Variants in HDAC9 observed in about 807,000 individuals in gnomAD.
The protein encoded by HDAC9 is MEF-2 interacting transcription repressor (MITR) protein.
In HDAC9, 41 loss-of-function variants were observed where a neutral mutation model predicts 139.4. That is an observed-to-expected ratio of 0.29 (90% confidence interval 0.23 to 0.38). The LOEUF (loss-of-function observed/expected upper bound fraction) is 0.38, where lower values mean the gene tolerates loss of function less well. Among genes scored for constraint, HDAC9 ranks in the 10% least tolerant of loss-of-function variants. The pLI, the probability that HDAC9 is intolerant of heterozygous loss-of-function variation, is 1.00. For missense variants in HDAC9, 1,147 were observed against 1,297.0 expected (o/e 0.88, Z 1.78); for synonymous variants, 517 against 476.2 (o/e 1.09, Z -1.12).
chr7:18,100,494 A>T (rs1445061723), intron 1 of HDAC9, among the ~76,000 whole-genome samples: 2 of 151,818 alleles, frequency 1.3e-5, no homozygotes, highest in Non-Finnish European at 2.9e-5. Flanking sequence ...TCTTCTCCAT[A>T]TGTTACATTT....
At chr7:18,438,040 A>G (rs1263898758) in intron 1 of HDAC9, among the ~76,000 whole-genome samples, 1 of 151,034 alleles carries the variant, frequency 6.6e-6, no homozygotes, top group Non-Finnish European at 1.5e-5. Context: ...TAACATGTAT[A>G]TACACTTTAT....
intron 25 of HDAC9, among the ~76,000 whole-genome samples, chr7:18,985,521 A>C (rs1364079506): frequency 6.6e-6 from 1 of 152,070 alleles, no homozygotes; most frequent in East Asian, 1.9e-4. Flanking sequence ...ATAGTGCCGC[A>C]ATAAACGTAC....
At position 18,929,832 on chromosome 7, in the gene HDAC9, G is replaced by A. The variant is rs149553413; in HGVS notation, c.2804-5977G>A. ...GTGCACGCCTGTAGTCCAGCTACTCGGGAGGCTGAGGCAGGAGAATTGCTT... is the reference window on the plus strand; with the variant it reads ...GTGCACGCCTGTAGTCCAGCTACTCAGGAGGCTGAGGCAGGAGAATTGCTT... On this transcript the variant is annotated intron_variant, in intron 22 of 25. Transcript: ENST00000686413. Among the ~76,000 whole-genome samples, 217 of 152,036 alleles carry A rather than the reference G, an allele frequency of 1.4e-3. No homozygotes were observed. In the Middle Eastern group the frequency reaches 0.017, roughly 12 times the overall value.
At chr7:18,288,655 G>A (rs187966055), upstream of HDAC9, among the ~76,000 whole-genome samples, 1 of 152,138 alleles carries the variant, frequency 6.6e-6, no homozygotes, top group Admixed American at 6.5e-5. Context: ...CTTTGTGTTA[G>A]GTTAGTAAAA....
chr7:18,640,357 TAAAAAAAAA>T (rs56655676), intron 8 of HDAC9, among the ~76,000 whole-genome samples: 49 of 66,078 alleles, frequency 7.4e-4, no homozygotes, highest in South Asian at 3.4e-3. Context: ...GATCCTGTCT[TAAAAAAAAA>T]AAAAAAAAAA....
intron 1 of HDAC9, among the ~76,000 whole-genome samples, chr7:18,158,138 T>A (rs1046301375): frequency 2.6e-5 from 4 of 152,088 alleles, no homozygotes; most frequent in Admixed American, 1.3e-4. Flanking sequence ...AGCGTTCTGC[T>A]TTTTTAGTAG....
At chr7:18,741,767 C>A (rs1370643210) in intron 13 of HDAC9, among the ~76,000 whole-genome samples, 1 of 152,096 alleles carries the variant, frequency 6.6e-6, no homozygotes, top group African/African-American at 2.4e-5. Flanking sequence ...ATTCTAGATG[C>A]CATTAAGAAC....
Position 18,263,531 on chromosome 7 carries a change from A to C in HDAC9, c.25+101182A>C, listed in dbSNP as rs302186. Among the ~76,000 whole-genome samples the C allele has an allele frequency of 7.9e-3, 1,202 of 152,230 alleles. 13 individuals are homozygous for C. The highest frequency in any genetic ancestry group is 0.028 in the African/African-American group (1,153 of 41,520). On this transcript the variant is annotated intron_variant, in intron 2 of 12. Coordinates refer to the HDAC9 transcript ENST00000417496. Reference sequence around the variant, plus strand: ...GCCTGAGCTCATATGCCTTACCTCCATAAGGAGCATGACCTTTGGGAATTT... The same window carrying C: ...GCCTGAGCTCATATGCCTTACCTCCCTAAGGAGCATGACCTTTGGGAATTT...
At chr7:18,536,943 A>T (rs1022702391) in intron 2 of HDAC9, among the ~76,000 whole-genome samples, 1 of 152,208 alleles carries the variant, frequency 6.6e-6, no homozygotes, top group Non-Finnish European at 1.5e-5. Context: ...CTATGTGTAT[A>T]TCTGTGTGTG....
chr7:18,205,872 C>A (rs1791472989), intron 2 of HDAC9, among the ~76,000 whole-genome samples: 1 of 152,046 alleles, frequency 6.6e-6, no homozygotes, highest in African/African-American at 2.4e-5. Context: ...TTTGGGTTTA[C>A]CATTCACAGG....
At chr7:18,794,581 C>T (rs1562946913) in intron 17 of HDAC9, among the ~76,000 whole-genome samples, 1 of 152,160 alleles carries the variant, frequency 6.6e-6, no homozygotes, top group East Asian at 1.9e-4. Context: ...TTGCTCATCT[C>T]AGGGGATATA....
chr7:18,434,961 T>C (rs1365151720), intron 1 of HDAC9, among the ~76,000 whole-genome samples: 1 of 148,856 alleles, frequency 6.7e-6, no homozygotes, highest in Admixed American at 6.8e-5. Flanking sequence ...CACAGAACTA[T>C]TGAGAATAAC....
At chr7:18,180,226 TACACACACACACACACACACAC>T (rs67304424) in intron 2 of HDAC9, among the ~76,000 whole-genome samples, 3 of 120,610 alleles carry the variant, frequency 2.5e-5, no homozygotes, top group African/African-American at 3.6e-5. Flanking sequence ...CCAAGACACA[TACACACACACACACACACACAC>T]ACACACACAC....
chr7:18,323,876 C>A (rs780245499), intron 1 of HDAC9, among the ~76,000 whole-genome samples: 9 of 151,388 alleles, frequency 5.9e-5, no homozygotes, highest in Non-Finnish European at 1.3e-4. Context: ...AGTCAAAGAT[C>A]AAGGTGCTGA....
chr7:18,745,888 T>TTC (rs1306637097), intron 13 of HDAC9, among the ~76,000 whole-genome samples: 1 of 136,662 alleles, frequency 7.3e-6, no homozygotes, highest in Non-Finnish European at 1.5e-5. Flanking sequence ...TTCTTCTTTT[T>TTC]TTTTTTTTTT....
rs574322805 is a variant in HDAC9, at chr7:18,343,228, G to A, written c.-42+52713G>A. Among the ~76,000 whole-genome samples the A allele has an allele frequency of 4.0e-5, 6 of 151,688 alleles. 1 individual carries two copies. In the East Asian group the frequency reaches 1.2e-3, roughly 30 times the overall value. ...TTACTCATCAGTTTTTTTTAGGCATGTGTCACTAAAACTACCCACTGGAAC... is the reference window on the plus strand; with the variant it reads ...TTACTCATCAGTTTTTTTTAGGCATATGTCACTAAAACTACCCACTGGAAC... On this transcript the variant is annotated intron_variant, in intron 1 of 3. Transcript: ENST00000413509.
intron 2 of HDAC9, among the ~76,000 whole-genome samples, chr7:18,538,908 C>T (rs1295571862): frequency 6.6e-6 from 1 of 152,026 alleles, no homozygotes; most frequent in Non-Finnish European, 1.5e-5. Context: ...GGAGGGGCTG[C>T]CTCTAGGGAG....
intron 2 of HDAC9, among the ~76,000 whole-genome samples, chr7:18,532,084 A>T (rs1586738840): frequency 6.6e-6 from 1 of 152,256 alleles, no homozygotes; most frequent in East Asian, 1.9e-4. Flanking sequence ...CCCTGTCTCT[A>T]CTAAAAATAC....
At chr7:18,743,774 G>C (rs1787673288) in intron 13 of HDAC9, among the ~76,000 whole-genome samples, 2 of 151,810 alleles carry the variant, frequency 1.3e-5, no homozygotes, top group Admixed American at 1.3e-4. Context: ...GGATAGATTA[G>C]CATTATGGAT....
Sources: gnomAD v4.1 joint callset for allele counts (sites outside exome capture counted in the v4.1 genomes callset) on GRCh38, gnomAD v4.1.1 for gene constraint, MANE v1.5 for transcripts, NCBI Gene and HGNC (gene_info 2026-07-23, HGNC 2026-07-21) for gene names.